ZMYM4: variants seen among roughly 807,000 people sequenced by gnomAD.
ZMYM4 encodes zinc finger MYM-type protein 4.
Under a neutral mutation model 183.2 loss-of-function variants are expected in ZMYM4, and 31 were observed. That is an observed-to-expected ratio of 0.17 (90% confidence interval 0.13 to 0.23). The LOEUF (loss-of-function observed/expected upper bound fraction) is 0.23. Among genes scored for constraint, ZMYM4 ranks in the 10% least tolerant of loss-of-function variants. The pLI is 1.00. For synonymous variants in ZMYM4, 592 were observed against 631.2 expected, an observed-to-expected ratio of 0.94 and a Z score of 0.93; for missense variants, 1,273 against 1,840.3, an observed-to-expected ratio of 0.69 and a Z score of 5.64.
intron 5 of ZMYM4, 107 bp downstream of exon 5, chr1:35,361,896 A>G (rs1479985023): frequency 2.8e-6 from 4 of 1,416,050 alleles, no homozygotes; most frequent in Non-Finnish European, 3.8e-6. Context: ...ACAGGGTGAA[A>G]GGAAACTCTT....
At chr1:35,367,642 A>G (rs1026082544) in intron 5 of ZMYM4, among the ~76,000 whole-genome samples, 1 of 152,202 alleles carries the variant, frequency 6.6e-6, no homozygotes, top group Non-Finnish European at 1.5e-5. Context: ...TAAGAATTTG[A>G]TATATTTATC....
At chr1:35,310,091 G>A (rs1441412459) in intron 1 of ZMYM4, among the ~76,000 whole-genome samples, 4 of 151,796 alleles carry the variant, frequency 2.6e-5, no homozygotes, top group Admixed American at 6.6e-5. Flanking sequence ...CACCATGCCC[G>A]GCTAATGTTT....
rs1481004825 is a variant in ZMYM4, at chr1:35,420,019, C to A, written c.*342C>A. The A allele has an allele frequency of 3.2e-6, 1 of 312,728 alleles. No homozygotes were observed. Among genetic ancestry groups the A allele is most frequent in the African/African-American group, 2.2e-5 (1 of 46,484 alleles). The allele number at this position is 312,728 out of a possible 1,614,324, so 19.4% of individuals were successfully genotyped here. A position where few individuals can be genotyped will look rare whatever the true frequency, so the allele number is the denominator to read the frequency against. ...AAAACTTTACCATAGTAACCTTAGACCTTAGAGAGGTAGCTTTGGAGTGAA... is the reference window on the plus strand; with the variant it reads ...AAAACTTTACCATAGTAACCTTAGAACTTAGAGAGGTAGCTTTGGAGTGAA... On this transcript the variant is annotated 3_prime_UTR_variant, in exon 30 of 30. Transcript: ENST00000314607.
At chr1:35,312,055 TTTTC>T (rs1175091352) in intron 1 of ZMYM4, among the ~76,000 whole-genome samples, 1 of 152,098 alleles carries the variant, frequency 6.6e-6, no homozygotes, top group African/African-American at 2.4e-5. Flanking sequence ...CCCTGCCTGT[TTTTC>T]TTTCTTTTGG....
intron 1 of ZMYM4, among the ~76,000 whole-genome samples, chr1:35,281,564 C>T (rs114098400): frequency 0.016 from 2,466 of 152,016 alleles, 53 homozygotes; most frequent in African/African-American, 0.045. Flanking sequence ...TTGATTCAGT[C>T]ATTCCACACC....
At chr1:35,385,695 C>G in intron 10 of ZMYM4, 103 bp downstream of exon 10, 1 of 1,304,436 alleles carries the variant, frequency 7.7e-7, no homozygotes, top group Non-Finnish European at 1.0e-6. Flanking sequence ...GCACATTTAA[C>G]ATATTTCAGA....
intron 1 of ZMYM4, among the ~76,000 whole-genome samples, chr1:35,324,268 C>G (rs1642413562): frequency 1.3e-5 from 2 of 151,834 alleles, no homozygotes; most frequent in African/African-American, 4.8e-5. Flanking sequence ...ATTATCTTTT[C>G]CAACTTTTTG....
chr1:35,303,621 G>T (rs1166847755), intron 1 of ZMYM4, among the ~76,000 whole-genome samples: 1 of 152,100 alleles, frequency 6.6e-6, no homozygotes, highest in Non-Finnish European at 1.5e-5. Flanking sequence ...GGCCAGGCTG[G>T]TCTCAAACTC....
chr1:35,390,832 T>C (rs1015815283), intron 15 of ZMYM4, among the ~76,000 whole-genome samples: 2 of 152,246 alleles, frequency 1.3e-5, no homozygotes, highest in East Asian at 1.9e-4. Flanking sequence ...AGACTACTTA[T>C]AACAAAAGAC....
chr1:35,408,760 A>G (rs1277323018), intron 26 of ZMYM4, among the ~76,000 whole-genome samples: 1 of 152,156 alleles, frequency 6.6e-6, no homozygotes, highest in African/African-American at 2.4e-5. Context: ...TTGCAGAATT[A>G]TATATATAGT....
chr1:35,318,408 A>C (rs922358149), intron 1 of ZMYM4, among the ~76,000 whole-genome samples: 1 of 152,126 alleles, frequency 6.6e-6, no homozygotes, highest in African/African-American at 2.4e-5. Flanking sequence ...CACAAGTTAC[A>C]TAGGAAAAGA....
rs143396685 is a variant in ZMYM4 at position 35,277,889 on chromosome 1, T to A, written c.39+8804T>A. ...TTTACCATATGTGATACATTCTAAT[T>A]TATCATAGTCATTATTTTTGGTGTT... On this transcript the variant is annotated intron_variant, in intron 1 of 29. Transcript: ENST00000314607. Among the ~76,000 whole-genome samples, 16 of 152,304 alleles carry A rather than the reference T, an allele frequency of 1.1e-4. No homozygotes were observed. The East Asian group carries it at 3.1e-3, about 29-fold the overall frequency.
intron 4 of ZMYM4, 46 bp from the exon 5 acceptor site, chr1:35,361,573 C>A (rs753764148): frequency 1.3e-5 from 20 of 1,567,966 alleles, no homozygotes; most frequent in African/African-American, 2.8e-5. Context: ...GAAGAGGAAT[C>A]ATTTTAAAAT....
chr1:35,373,380 C>CT (rs572118166), intron 7 of ZMYM4, among the ~76,000 whole-genome samples: 9,172 of 132,510 alleles, frequency 0.069, 750 homozygotes, highest in East Asian at 0.26. Flanking sequence ...TTTTTTTTTT[C>CT]TTTTTTTTTT....
chr1:35,379,523 G>A (rs928370247), intron 7 of ZMYM4, among the ~76,000 whole-genome samples: 2 of 152,216 alleles, frequency 1.3e-5, no homozygotes, highest in Non-Finnish European at 2.9e-5. Context: ...GGCGTGAGCC[G>A]CCACGCCCGG....
intron 2 of ZMYM4, among the ~76,000 whole-genome samples, chr1:35,342,187 G>T (rs1022594859): frequency 1.3e-5 from 2 of 152,010 alleles, no homozygotes; most frequent in Non-Finnish European, 2.9e-5. Context: ...TTTAGACAGG[G>T]TCTCGCTCTG....
chr1:35,392,120 C>T, intron 15 of ZMYM4, 92 bp from the exon 16 acceptor site: 2 of 1,542,706 alleles, frequency 1.3e-6, no homozygotes, highest in Non-Finnish European at 1.8e-6. Context: ...ATTACTCAAA[C>T]CTGAAAACAT....
At chr1:35,321,854 T>G (rs972465321) in intron 1 of ZMYM4, among the ~76,000 whole-genome samples, 6 of 152,030 alleles carry the variant, frequency 3.9e-5, no homozygotes, top group African/African-American at 1.4e-4. Context: ...CCTAGTGATC[T>G]TTTTTAACCT....
intron 2 of ZMYM4, among the ~76,000 whole-genome samples, chr1:35,356,642 T>A (rs1643829460): frequency 6.6e-6 from 1 of 152,208 alleles, no homozygotes; most frequent in African/African-American, 2.4e-5. Context: ...TTCTGTTTAT[T>A]TTTTCTAGCT....
Sources: gnomAD v4.1 joint callset for allele counts (sites outside exome capture counted in the v4.1 genomes callset) on GRCh38, gnomAD v4.1.1 for gene constraint, MANE v1.5 for transcripts, NCBI Gene and HGNC (gene_info 2026-07-23, HGNC 2026-07-21) for gene names.